Variants in METTL25 observed in about 807,000 individuals in gnomAD.
METTL25 encodes probable methyltransferase-like protein 25.
A neutral mutation model predicts 71.6 loss-of-function variants in METTL25; 64 were observed. The observed-to-expected ratio is 0.89, with a 90% CI of 0.73 to 1.10. The LOEUF (loss-of-function observed/expected upper bound fraction) is 1.10. Ranked by LOEUF, METTL25 falls within the 50% of genes least tolerant of loss-of-function variation. METTL25 has a pLI of 0.00. For missense variants in METTL25, 807 were observed against 707.0 expected (o/e 1.14, Z -1.60); for synonymous variants, 287 against 250.3 (o/e 1.15, Z -1.38).
chr12:82,448,994 T>G lies in METTL25; in HGVS notation c.1479-7733T>G, dbSNP rs548573811. On this transcript the variant is annotated intron_variant, in intron 8 of 11. Coordinates refer to ENST00000248306, the MANE Select transcript of METTL25 (RefSeq NM_032230.3). ...AGTATACCTCTGCTTCACCTTTCTC[T>G]AAAATCTCCCTCCAAAATGCTGCTT... Among the ~76,000 whole-genome samples the G allele has an allele frequency of 3.3e-5, 5 of 152,308 alleles. No homozygotes were observed. The South Asian group carries it at 1.0e-3, about 32-fold the overall frequency.
intron 1 of METTL25, among the ~76,000 whole-genome samples, chr12:82,375,620 T>G (rs1025708087): frequency 3.9e-5 from 6 of 152,186 alleles, no homozygotes; most frequent in African/African-American, 1.4e-4. Flanking sequence ...ATGATTGAGA[T>G]GTTTCAAGTG....
intron 1 of METTL25, among the ~76,000 whole-genome samples, chr12:82,386,185 G>A (rs953511864): frequency 6.6e-6 from 1 of 152,080 alleles, no homozygotes; most frequent in South Asian, 2.1e-4. Flanking sequence ...ACAGTGCATT[G>A]AGCACGTGCA....
intron 1 of METTL25, among the ~76,000 whole-genome samples, chr12:82,378,430 T>C (rs989799039): frequency 6.6e-5 from 10 of 152,158 alleles, no homozygotes; most frequent in Admixed American, 5.9e-4. Context: ...AAAAAAAGTA[T>C]GTGTTTACTG....
chr12:82,375,213 A>G (rs1883706716), intron 1 of METTL25, among the ~76,000 whole-genome samples: 1 of 152,114 alleles, frequency 6.6e-6, no homozygotes, highest in Admixed American at 6.6e-5. Context: ...TGCCAGTGTG[A>G]TGGTATTAAG....
At position 82,358,805 on chromosome 12, in the gene METTL25, G is replaced by A. The variant is rs1286923901; in HGVS notation, c.240G>A (p.Val80=). ...TGCCCTCAGAGACGCGCCCCCTAGT[G>A]GAAGCAGAGTGGGAAGCAGGTGGGT... ...EALPSETRPL[V]EAEWEAGMTD... Residue 80 remains valine, a synonymous_variant, in exon 1 of 12, where the codon GTG becomes GTA. Coordinates refer to ENST00000248306, the MANE Select transcript of METTL25 (RefSeq NM_032230.3). 1.2e-6 allele frequency: 2 copies of A among 1,612,994 alleles called. No individual in the cohort carries two copies. The highest frequency in any genetic ancestry group is 3.3e-5 in the Admixed American group (2 of 60,004).
At chr12:82,424,286 A>G (rs1376795198) in intron 5 of METTL25, among the ~76,000 whole-genome samples, 2 of 152,118 alleles carry the variant, frequency 1.3e-5, no homozygotes, top group Non-Finnish European at 2.9e-5. Context: ...TATCGCAAGG[A>G]CAAAAAACCA....
At chr12:82,379,958 C>T (rs1884265377) in intron 1 of METTL25, among the ~76,000 whole-genome samples, 1 of 152,126 alleles carries the variant, frequency 6.6e-6, no homozygotes, top group African/African-American at 2.4e-5. Flanking sequence ...ATTGATCTTT[C>T]AGTTTCTTCT....
chr12:82,414,890 TATC>T (rs1887844612), intron 5 of METTL25, among the ~76,000 whole-genome samples: 1 of 152,154 alleles, frequency 6.6e-6, no homozygotes, highest in African/African-American at 2.4e-5. Flanking sequence ...TTTTCTTCAT[TATC>T]ATCCATCTGA....
In METTL25 at chr12:82,403,120, C is replaced by A; in HGVS notation, c.1269C>A (p.Asn423Lys). ...CYHLLSEEFE[N>K]QHKERTQEKW... is the part of the protein sequence containing the mutation. The stretch of plus-strand genomic sequence containing the variant: ...ACCTCTTATCTGAAGAATTTGAAAA[C>A]CAGCATAAAGGTACAAGTTCCCCAT... The change falls in exon 5 of 12, where the codon AAC becomes AAA. Residue 423 changes from asparagine to lysine, a missense_variant. Transcript: ENST00000248306. The A allele has an allele frequency of 6.2e-7, 1 of 1,611,428 alleles. No homozygotes were observed. Among genetic ancestry groups the A allele is most frequent in the Non-Finnish European group, 8.5e-7 (1 of 1,178,908 alleles).
chr12:82,444,099 C>G (rs1048983126), intron 8 of METTL25, among the ~76,000 whole-genome samples: 1 of 152,078 alleles, frequency 6.6e-6, no homozygotes, highest in African/African-American at 2.4e-5. Context: ...GACTTTTGCA[C>G]TCAACCCAAA....
intron 2 of METTL25, among the ~76,000 whole-genome samples, chr12:82,388,485 C>T (rs1053349801): frequency 6.6e-6 from 1 of 151,920 alleles, no homozygotes; most frequent in African/African-American, 2.4e-5. Context: ...AATGAAAGGT[C>T]TAAGGAGAAC....
chr12:82,417,378 A>G (rs986011153), intron 5 of METTL25, among the ~76,000 whole-genome samples: 5 of 152,170 alleles, frequency 3.3e-5, no homozygotes, highest in African/African-American at 7.2e-5. Flanking sequence ...ATTTATTTCT[A>G]TGTTTACCTT....
rs183158448 is a variant in METTL25 at position 82,367,510 on chromosome 12, A to G, written c.259+8686A>G. Among the ~76,000 whole-genome samples, 81 of 152,222 alleles carry G rather than the reference A, an allele frequency of 5.3e-4. 1 individual carries two copies. The highest frequency in any genetic ancestry group is 2.9e-3 in the Admixed American group (44 of 15,292). Reference sequence around the variant, plus strand: ...TGTTACCTCAGTTCATAATCCGCCAATTCCTCTTCCTCCATTACTCTTGCA... The same window carrying G: ...TGTTACCTCAGTTCATAATCCGCCAGTTCCTCTTCCTCCATTACTCTTGCA... On this transcript the variant is annotated intron_variant, in intron 1 of 11. Coordinates refer to ENST00000248306, the MANE Select transcript of METTL25 (RefSeq NM_032230.3).
intron 1 of METTL25, among the ~76,000 whole-genome samples, chr12:82,384,479 A>C (rs908777239): frequency 1.4e-5 from 2 of 147,820 alleles, no homozygotes; most frequent in Non-Finnish European, 3.0e-5. Flanking sequence ...GATAACTTGA[A>C]AACAAATAAA....
chr12:82,446,703 G>A (rs1260780615), intron 8 of METTL25, among the ~76,000 whole-genome samples: 2 of 148,284 alleles, frequency 1.3e-5, no homozygotes, highest in Admixed American at 6.9e-5. Flanking sequence ...TGCAACCTCC[G>A]CTTCACGGAT....
At chr12:82,401,625 A>G (rs938625520) in intron 4 of METTL25, among the ~76,000 whole-genome samples, 7 of 152,014 alleles carry the variant, frequency 4.6e-5, no homozygotes, top group Non-Finnish European at 1.0e-4. Context: ...ATTAATAACT[A>G]TTTCTTTAAC....
intron 1 of METTL25, among the ~76,000 whole-genome samples, chr12:82,376,019 G>T (rs1020019795): frequency 1.3e-5 from 2 of 152,102 alleles, no homozygotes; most frequent in Non-Finnish European, 2.9e-5. Flanking sequence ...GAAGATGAAT[G>T]GATTATGCCT....
chr12:82,452,585 T>G (rs1184014490), intron 8 of METTL25, among the ~76,000 whole-genome samples: 1 of 152,222 alleles, frequency 6.6e-6, no homozygotes, highest in African/African-American at 2.4e-5. Flanking sequence ...TAATGAATAC[T>G]TCCCTTTCCT....
intron 7 of METTL25, among the ~76,000 whole-genome samples, chr12:82,434,988 G>A: frequency 6.6e-6 from 1 of 151,408 alleles, no homozygotes; most frequent in East Asian, 1.9e-4. Context: ...AAATATTTCT[G>A]AAGAATGCTG....
Sources: gnomAD v4.1 joint callset for allele counts (sites outside exome capture counted in the v4.1 genomes callset) on GRCh38, gnomAD v4.1.1 for gene constraint, MANE v1.5 for transcripts, NCBI Gene and HGNC (gene_info 2026-07-23, HGNC 2026-07-21) for gene names.